ENAH: variants seen among roughly 807,000 people sequenced by gnomAD.
ENAH encodes the protein protein enabled homolog.
In ENAH, 23 loss-of-function variants were observed where a neutral mutation model predicts 78.7. That is an observed-to-expected ratio of 0.29 (90% CI 0.21 to 0.41). The LOEUF is 0.41. ENAH is among the 10% of genes least tolerant of loss of function. The pLI, the probability that ENAH is intolerant of heterozygous loss-of-function variation, is 1.00. For missense variants in ENAH, 544 were observed against 691.0 expected, an observed-to-expected ratio of 0.79 and a Z score of 2.39; for synonymous variants, 226 against 241.0, an observed-to-expected ratio of 0.94 and a Z score of 0.58.
intron 6 of ENAH, among the ~76,000 whole-genome samples, chr1:225,515,593 T>C (rs2096411342): frequency 6.6e-6 from 1 of 152,102 alleles, no homozygotes; most frequent in South Asian, 2.1e-4. Context: ...AGAAGAGAAA[T>C]GTTCAAATGT....
intron 3 of ENAH, among the ~76,000 whole-genome samples, chr1:225,537,400 T>C (rs994537548): frequency 3.9e-5 from 6 of 152,212 alleles, no homozygotes; most frequent in African/African-American, 1.4e-4. Flanking sequence ...TTTAATTTCA[T>C]ACTATCATGT....
chr1:225,584,477 G>A (rs2096835541), intron 1 of ENAH, among the ~76,000 whole-genome samples: 2 of 151,582 alleles, frequency 1.3e-5, no homozygotes, highest in African/African-American at 4.8e-5. Flanking sequence ...CCCCAAAAAG[G>A]CAGAAAAGGA....
chr1:225,551,477 T>C (rs1240030329), intron 3 of ENAH, among the ~76,000 whole-genome samples: 1 of 152,142 alleles, frequency 6.6e-6, no homozygotes, highest in African/African-American at 2.4e-5. Context: ...TATGTGATTA[T>C]TGGTTTTAGC....
At chr1:225,626,395 G>A (rs1278832872) in intron 1 of ENAH, among the ~76,000 whole-genome samples, 5 of 152,230 alleles carry the variant, frequency 3.3e-5, no homozygotes, top group Admixed American at 2.0e-4. Flanking sequence ...AATCACCAAG[G>A]TGATGATATT....
intron 1 of ENAH, among the ~76,000 whole-genome samples, chr1:225,651,357 T>C (rs189883322): frequency 2.9e-3 from 440 of 151,216 alleles, no homozygotes; most frequent in Non-Finnish European, 4.7e-3. Context: ...TCACAATATA[T>C]ATATAAAAGC....
At chr1:225,609,953 C>G (rs954779935) in intron 1 of ENAH, among the ~76,000 whole-genome samples, 1 of 151,856 alleles carries the variant, frequency 6.6e-6, no homozygotes, top group Non-Finnish European at 1.5e-5. Context: ...CATGAGCCAC[C>G]GCGCCCGGCC....
chr1:225,518,013 C>T, intron 5 of ENAH: 1 of 1,518,814 alleles, frequency 6.6e-7, no homozygotes, highest in African/African-American at 1.4e-5. Context: ...TGGAAAGCAG[C>T]AGCAAAAGAC....
intron 1 of ENAH, among the ~76,000 whole-genome samples, chr1:225,648,917 A>T (rs1662471740): frequency 1.3e-5 from 2 of 152,136 alleles, no homozygotes; most frequent in African/African-American, 4.8e-5. Flanking sequence ...GAAACACAGA[A>T]GAAGGGAACA....
chr1:225,549,460 G>A (rs960830896), intron 3 of ENAH, among the ~76,000 whole-genome samples: 3 of 151,990 alleles, frequency 2.0e-5, no homozygotes, highest in African/African-American at 4.8e-5. Flanking sequence ...TCTCCTTCCC[G>A]GCCTGCCCAT....
At chr1:225,585,229 A>C (rs2096840054) in intron 1 of ENAH, among the ~76,000 whole-genome samples, 1 of 148,208 alleles carries the variant, frequency 6.7e-6, no homozygotes, top group African/African-American at 2.5e-5. Context: ...AAAAAAAAAA[A>C]AAAAAAAAAA....
At chr1:225,606,962 C>T (rs2096959289) in intron 1 of ENAH, among the ~76,000 whole-genome samples, 1 of 151,738 alleles carries the variant, frequency 6.6e-6, no homozygotes, top group Non-Finnish European at 1.5e-5. Flanking sequence ...CTGAATAATG[C>T]AGCTGAGAGT....
chr1:225,500,957 G>A (rs2096279093), intron 12 of ENAH, 35 bp downstream of exon 12: 2 of 1,589,422 alleles, frequency 1.3e-6, no homozygotes, highest in Non-Finnish European at 1.7e-6. Context: ...AAAGAAACAA[G>A]TACAAATAAA....
At chr1:225,547,219 G>A (rs1011783204) in intron 3 of ENAH, among the ~76,000 whole-genome samples, 7 of 151,892 alleles carry the variant, frequency 4.6e-5, no homozygotes, top group Non-Finnish European at 7.4e-5. Flanking sequence ...TTACAGGTGC[G>A]CACCACCATG....
At position 225,487,566 on chromosome 1, in the gene ENAH, T is replaced by C. The variant is rs1338329988; in HGVS notation, c.*10209A>G. On this transcript the variant is annotated 3_prime_UTR_variant, in exon 14 of 14. Transcript: ENST00000366843. ...ATGATAAGATACATGAGGTTCTGTA[T>C]GCATAGTAAATGATTTCTAGTTACA... 1 of 152,270 alleles carries C rather than the reference T, an allele frequency of 6.6e-6. No homozygotes were observed. The highest frequency in any genetic ancestry group is 2.4e-5 in the African/African-American group (1 of 41,468). The allele number at this position is 152,270 out of a possible 1,614,324, so 9.4% of individuals were successfully genotyped here.
intron 4 of ENAH, among the ~76,000 whole-genome samples, chr1:225,524,032 A>C (rs1373742747): frequency 1.3e-5 from 2 of 152,180 alleles, no homozygotes; most frequent in Non-Finnish European, 2.9e-5. Context: ...ATAATTTGAA[A>C]GTTTCTGAGA....
intron 1 of ENAH, among the ~76,000 whole-genome samples, chr1:225,595,464 C>A (rs1212283109): frequency 6.6e-6 from 1 of 152,144 alleles, no homozygotes; most frequent in Non-Finnish European, 1.5e-5. Context: ...AGCTCTCCAA[C>A]AGAAAACCTA....
intron 1 of ENAH, among the ~76,000 whole-genome samples, chr1:225,574,925 T>A (rs1460156121): frequency 4.0e-4 from 25 of 62,850 alleles, no homozygotes; most frequent in South Asian, 5.9e-4. Flanking sequence ...AAAAAATATA[T>A]ATATATAAAA....
intron 3 of ENAH, among the ~76,000 whole-genome samples, chr1:225,537,270 G>A (rs1050802178): frequency 6.6e-6 from 1 of 152,132 alleles, no homozygotes; most frequent in African/African-American, 2.4e-5. Context: ...TCAGAATGCA[G>A]GTAAACCATT....
intron 1 of ENAH, among the ~76,000 whole-genome samples, chr1:225,593,402 G>GTGTGTGTGT (rs1558873936): frequency 7.9e-5 from 2 of 25,476 alleles, no homozygotes; most frequent in Non-Finnish European, 1.3e-4. Flanking sequence ...TGTGTGTGTG[G>GTGTGTGTGT]GGGGGGGGGG....
Sources: allele counts gnomAD v4.1 joint callset (sites outside exome capture counted in the v4.1 genomes callset), GRCh38; gene constraint gnomAD v4.1.1; transcripts MANE v1.5; gene names NCBI Gene and HGNC (gene_info 2026-07-23, HGNC 2026-07-21).